Variants in PAQR8 observed in about 807,000 individuals in gnomAD.
PAQR8 encodes membrane progestin receptor beta.
In PAQR8, 17 loss-of-function variants were observed where a neutral mutation model predicts 25.2. The observed-to-expected ratio is 0.67, with a 90% CI of 0.46 to 1.01. The LOEUF is 1.01. PAQR8 is among the 50% of genes least tolerant of loss of function. PAQR8 has a pLI of 0.00. For missense variants in PAQR8, 392 were observed against 448.4 expected, an observed-to-expected ratio of 0.87 and a Z score of 1.14; for synonymous variants, 204 against 190.6, an observed-to-expected ratio of 1.07 and a Z score of -0.58.
chr6:52,401,244 T>C (rs1158513603), intron 1 of PAQR8, among the ~76,000 whole-genome samples: 1 of 152,252 alleles, frequency 6.6e-6, no homozygotes, highest in Admixed American at 6.5e-5. Flanking sequence ...TTGCTAAAAT[T>C]AGTAAGCACC....
chr6:52,403,416 G>T lies in PAQR8; in HGVS notation c.203G>T (p.Ser68Ile). The change falls in exon 2 of 2, where the codon AGC becomes ATC. Residue 68 changes from serine (S) to isoleucine (I), a missense_variant. Coordinates refer to ENST00000442253, the MANE Select transcript of PAQR8 (RefSeq NM_133367.5). ...CACGAGTGGCGCTACTACTTCTTCA[G>T]CCTCTTTCAGAAACACAACGAGGTG... ...TGHEWRYYFF[S>I]LFQKHNEVVN... 4 of 1,614,246 alleles carry T rather than the reference G, an allele frequency of 2.5e-6. No individual in the cohort carries two copies. The highest frequency in any genetic ancestry group is 3.4e-6 in the Non-Finnish European group (4 of 1,180,044).
At chr6:52,380,939 TG>T (rs1281522570) in intron 1 of PAQR8, among the ~76,000 whole-genome samples, 59 of 152,270 alleles carry the variant, frequency 3.9e-4, no homozygotes, top group African/African-American at 1.3e-3. Context: ...ATACTTGAAC[TG>T]ATTTTTCCAC....
intron 1 of PAQR8, among the ~76,000 whole-genome samples, chr6:52,366,310 C>T (rs1392714016): frequency 1.3e-5 from 2 of 152,160 alleles, no homozygotes; most frequent in East Asian, 3.9e-4. Flanking sequence ...CAAGCAAGTG[C>T]TGGAGATGGA....
chr6:52,377,228 T>C (rs944698691), intron 1 of PAQR8, among the ~76,000 whole-genome samples: 2 of 152,226 alleles, frequency 1.3e-5, no homozygotes, highest in Admixed American at 6.5e-5. Context: ...CTCCTTGTAA[T>C]TGCATTCATT....
intron 1 of PAQR8, among the ~76,000 whole-genome samples, chr6:52,371,763 T>C (rs780308512): frequency 6.6e-6 from 1 of 152,216 alleles, no homozygotes; most frequent in African/African-American, 2.4e-5. Flanking sequence ...CAATGTACTT[T>C]ACTTGCATTA....
At chr6:52,397,731 T>C (rs1763783105) in intron 1 of PAQR8, among the ~76,000 whole-genome samples, 1 of 152,320 alleles carries the variant, frequency 6.6e-6, no homozygotes, top group South Asian at 2.1e-4. Context: ...GAGTGAACCC[T>C]GTGCAAAGGA....
rs568204464 is a variant in PAQR8 at position 52,406,076 on chromosome 6, G to A, written c.*1798G>A. 4.1e-5 allele frequency: 7 copies of A among 169,550 alleles called. 1 individual carries two copies. In the East Asian group the frequency reaches 9.4e-4, roughly 23 times the overall value. The allele number at this position is 169,550 out of a possible 1,614,324, so 10.5% of individuals were successfully genotyped here. ...TTAATCCTCAAATATCTGAACTTCT[G>A]TGTTACCCAAGTGTCTTATACAAGC... On this transcript the variant is annotated 3_prime_UTR_variant, in exon 2 of 2. Transcript: ENST00000442253.
Position 52,404,198 on chromosome 6 carries a change from T to C in PAQR8, c.985T>C (p.Phe329Leu), listed in dbSNP as rs1332271360. The part of the protein sequence containing the change: ...SVHMACLSFF[F>L]LAACSAATAA... ...CCACATGGCCTGCCTCTCCTTCTTC[T>C]TCCTGGCTGCCTGCAGTGCTGCCAC... Residue 329 changes from phenylalanine (F) to leucine (L), a missense_variant, in exon 2 of 2, where the codon TTC becomes CTC. By Grantham distance (22) the Phe-to-Leu change is conservative. Transcript: ENST00000442253. 6.2e-7 allele frequency: 1 copy of C among 1,613,922 alleles called. No individual in the cohort carries two copies. The highest frequency in any genetic ancestry group is 8.5e-7 in the Non-Finnish European group (1 of 1,179,856).
intron 1 of PAQR8, among the ~76,000 whole-genome samples, chr6:52,386,205 G>A (rs895605683): frequency 2.0e-5 from 3 of 152,172 alleles, no homozygotes; most frequent in Non-Finnish European, 2.9e-5. Context: ...AACAGGTGTT[G>A]GTGAGGCTGC....
intron 1 of PAQR8, among the ~76,000 whole-genome samples, chr6:52,377,418 A>G (rs1460911596): frequency 6.6e-6 from 1 of 152,166 alleles, no homozygotes; most frequent in African/African-American, 2.4e-5. Context: ...GATCAATGCA[A>G]CCTCAAAGAA....
intron 1 of PAQR8, among the ~76,000 whole-genome samples, chr6:52,376,994 C>T (rs1369242729): frequency 1.3e-5 from 2 of 152,180 alleles, no homozygotes; most frequent in African/African-American, 4.8e-5. Flanking sequence ...GTGCTTGTCT[C>T]TTCCCAGCCC....
In PAQR8 at chr6:52,403,905, G is replaced by A. The variant is rs776176314; in HGVS notation, c.692G>A (p.Arg231His). ...CTAGACATCAGCCCTGTGGCACACCGTGTGGCGCTCTGTCACCTGGCTGGC... is the reference window on the plus strand; with the variant it reads ...CTAGACATCAGCCCTGTGGCACACCATGTGGCGCTCTGTCACCTGGCTGGC... ...FILDISPVAH[R>H]VALCHLAGCQ... The change falls in exon 2 of 2, where the codon CGT (arginine) becomes CAT (histidine). Residue 231 changes from arginine to histidine, a missense_variant. Arg to His is a conservative substitution (Grantham distance 29). Coordinates refer to ENST00000442253, the MANE Select transcript of PAQR8 (RefSeq NM_133367.5). The A allele has an allele frequency of 5.6e-6, 9 of 1,614,236 alleles. No individual in the cohort carries two copies. Among genetic ancestry groups the A allele is most frequent in the South Asian group, 2.2e-5 (2 of 91,088 alleles).
intron 1 of PAQR8, among the ~76,000 whole-genome samples, chr6:52,371,755 A>G (rs555402162): frequency 1.3e-5 from 2 of 152,330 alleles, no homozygotes; most frequent in African/African-American, 2.4e-5. Flanking sequence ...GCATTGTGCA[A>G]TGTACTTTAC....
intron 1 of PAQR8, among the ~76,000 whole-genome samples, chr6:52,368,019 C>T (rs550618845): frequency 2.6e-5 from 4 of 152,132 alleles, no homozygotes; most frequent in African/African-American, 7.2e-5. Flanking sequence ...GCTTGAGCCC[C>T]AGGAGTTCAA....
chr6:52,365,337 T>C (rs1763340001), intron 1 of PAQR8, among the ~76,000 whole-genome samples: 1 of 152,062 alleles, frequency 6.6e-6, no homozygotes, highest in Admixed American at 6.6e-5. Flanking sequence ...TTTTTCAGGT[T>C]GTGTTGCATA....
At position 52,404,626 on chromosome 6, in the gene PAQR8, T is replaced by C. The variant is rs561607850; in HGVS notation, c.*348T>C. The C allele has an allele frequency of 8.9e-5, 19 of 214,476 alleles. No homozygotes were observed. In the East Asian group the frequency reaches 2.0e-3, roughly 23 times the overall value. The allele number at this position is 214,476 out of a possible 1,614,324, so 13.3% of individuals were successfully genotyped here. On this transcript the variant is annotated 3_prime_UTR_variant, in exon 2 of 2. Coordinates refer to ENST00000442253, the MANE Select transcript of PAQR8 (RefSeq NM_133367.5). ...CAATTCCTAAAAGCTGAATGGATAATAAAATTGGACTGGAAAGTAAGTAGG... is the reference window on the plus strand; with the variant it reads ...CAATTCCTAAAAGCTGAATGGATAACAAAATTGGACTGGAAAGTAAGTAGG...
intron 1 of PAQR8, among the ~76,000 whole-genome samples, chr6:52,396,082 T>C (rs1310875338): frequency 6.6e-6 from 1 of 152,230 alleles, no homozygotes; most frequent in Non-Finnish European, 1.5e-5. Context: ...ATTTTCAACA[T>C]GGGGACTTCT....
chr6:52,363,987 G>A (rs562474265), intron 1 of PAQR8, among the ~76,000 whole-genome samples: 2 of 150,306 alleles, frequency 1.3e-5, no homozygotes, highest in Admixed American at 1.3e-4. Context: ...TGTTAATTAT[G>A]TATGGTAATT....
At chr6:52,379,554 T>G (rs1433019654) in intron 1 of PAQR8, among the ~76,000 whole-genome samples, 1 of 148,200 alleles carries the variant, frequency 6.7e-6, no homozygotes, top group Admixed American at 6.7e-5. Flanking sequence ...TGGGTTCAAG[T>G]GATTTTCCTG....
Sources: gnomAD v4.1 joint callset for allele counts (sites outside exome capture counted in the v4.1 genomes callset) on GRCh38, gnomAD v4.1.1 for gene constraint, MANE v1.5 for transcripts, NCBI Gene and HGNC (gene_info 2026-07-23, HGNC 2026-07-21) for gene names.